PTPRD: variants seen among roughly 807,000 people sequenced by gnomAD.
PTPRD encodes the protein protein tyrosine phosphatase receptor type D.
In PTPRD, 34 loss-of-function variants were observed where a neutral mutation model predicts 214.5. The observed-to-expected ratio is 0.16, with a 90% CI of 0.12 to 0.21. PTPRD has a LOEUF of 0.21. PTPRD is among the 10% of genes least tolerant of loss of function. The probability of loss-of-function intolerance (pLI) is 1.00; values close to 1 mark genes in which losing one functional copy is unlikely to be tolerated. For synonymous variants in PTPRD, 1,128 were observed against 845.7 expected (o/e 1.33, Z -5.79); for missense variants, 2,545 against 2,398.7 (o/e 1.06, Z -1.27).
At chr9:8,747,929 G>C (rs1281483912) in intron 11 of PTPRD, among the ~76,000 whole-genome samples, 1 of 152,110 alleles carries the variant, frequency 6.6e-6, no homozygotes, top group African/African-American at 2.4e-5. Context: ...TAACCTCCTT[G>C]TTAAGTGTGT....
rs559908855 is a variant in PTPRD, at chr9:9,719,778, G to C, written c.-287+14755C>G. On this transcript the variant is annotated intron_variant, in intron 7 of 45. Transcript: ENST00000381196. ...CCCTCTTTGGGGTTCTGCGGTTTCTGGCATCTCTACGCTTTCAGGCGCACT... is the reference window on the plus strand; with the variant it reads ...CCCTCTTTGGGGTTCTGCGGTTTCTCGCATCTCTACGCTTTCAGGCGCACT... Among the ~76,000 whole-genome samples, 13 of 152,258 alleles carry C rather than the reference G, an allele frequency of 8.5e-5. No homozygotes were observed. The East Asian group carries it at 2.5e-3, about 29-fold the overall frequency.
At chr9:8,724,852 C>T (rs1034432058) in intron 12 of PTPRD, among the ~76,000 whole-genome samples, 1 of 151,976 alleles carries the variant, frequency 6.6e-6, no homozygotes, top group Non-Finnish European at 1.5e-5. Context: ...GTGGGAGGAT[C>T]ACCCGAGCCC....
chr9:8,684,228 T>C (rs1056581722), intron 12 of PTPRD, among the ~76,000 whole-genome samples: 2 of 152,218 alleles, frequency 1.3e-5, no homozygotes, highest in South Asian at 2.1e-4. Context: ...CCCAATGTGA[T>C]TGCCAGCAAA....
intron 8 of PTPRD, among the ~76,000 whole-genome samples, chr9:9,514,300 A>G (rs2096781832): frequency 6.6e-6 from 1 of 152,048 alleles, no homozygotes; most frequent in Admixed American, 6.6e-5. Context: ...AATGAGAATC[A>G]TAACTGAGTT....
chr9:10,261,523 G>T (rs556008697), intron 3 of PTPRD, among the ~76,000 whole-genome samples: 1 of 151,954 alleles, frequency 6.6e-6, no homozygotes, highest in Non-Finnish European at 1.5e-5. Context: ...CAAAGTCAAA[G>T]AATGTTGTGT....
At chr9:9,795,876 C>A (rs1210769487) in intron 5 of PTPRD, among the ~76,000 whole-genome samples, 1 of 151,876 alleles carries the variant, frequency 6.6e-6, no homozygotes, top group Non-Finnish European at 1.5e-5. Flanking sequence ...ACAAAATGAT[C>A]CAAATATACT....
chr9:8,438,492 T>C (rs1029322255), intron 34 of PTPRD, among the ~76,000 whole-genome samples: 7 of 152,168 alleles, frequency 4.6e-5, no homozygotes, highest in African/African-American at 1.2e-4. Flanking sequence ...ATGATAGAAC[T>C]GAAATAATTT....
chr9:10,182,959 T>G (rs950486141), intron 3 of PTPRD, among the ~76,000 whole-genome samples: 3 of 152,198 alleles, frequency 2.0e-5, no homozygotes, highest in African/African-American at 7.2e-5. Context: ...TCATTTAATG[T>G]ATTTTTCTAT....
chr9:9,241,567 G>C (rs969418159), intron 9 of PTPRD, among the ~76,000 whole-genome samples: 26 of 152,200 alleles, frequency 1.7e-4, no homozygotes, highest in African/African-American at 6.0e-4. Context: ...TGGTTCACGT[G>C]ACTGCTTTAC....
chr9:10,588,555 T>G (rs555962797), intron 2 of PTPRD, among the ~76,000 whole-genome samples: 62 of 152,038 alleles, frequency 4.1e-4, no homozygotes, highest in African/African-American at 1.5e-3. Context: ...CTATTGATAT[T>G]AGAAGATCAA....
intron 11 of PTPRD, among the ~76,000 whole-genome samples, chr9:8,963,840 C>G (rs1038127243): frequency 1.3e-5 from 2 of 152,064 alleles, no homozygotes; most frequent in African/African-American, 4.8e-5. Context: ...TCTCAAATTC[C>G]TGGGTTCAAG....
chr9:9,269,187 T>A (rs1332661079), intron 9 of PTPRD, among the ~76,000 whole-genome samples: 1 of 151,322 alleles, frequency 6.6e-6, no homozygotes, highest in Non-Finnish European at 1.5e-5. Context: ...TAACCTTATT[T>A]AAAAAATTAT....
intron 14 of PTPRD, among the ~76,000 whole-genome samples, chr9:8,583,186 C>T (rs10114754): frequency 0.52 from 78,443 of 151,998 alleles, 23,629 homozygotes; most frequent in African/African-American, 0.86. Context: ...GAGAATCTAA[C>T]GCCTCCACTG....
intron 10 of PTPRD, among the ~76,000 whole-genome samples, chr9:9,090,314 G>C (rs893410466): frequency 2.0e-5 from 3 of 152,078 alleles, no homozygotes; most frequent in Non-Finnish European, 2.9e-5. Flanking sequence ...CGCAATATTT[G>C]TCTGTCTATG....
intron 5 of PTPRD, among the ~76,000 whole-genome samples, chr9:9,773,762 G>C (rs2098773282): frequency 6.6e-6 from 1 of 152,086 alleles, no homozygotes; most frequent in Non-Finnish European, 1.5e-5. Context: ...CAGGTTGCCT[G>C]GAACATTCCA....
chr9:9,915,177 A>G (rs1461090427), intron 5 of PTPRD, among the ~76,000 whole-genome samples: 3 of 152,172 alleles, frequency 2.0e-5, no homozygotes, highest in Non-Finnish European at 2.9e-5. Context: ...TCTACCTAGA[A>G]TGAAGGCCCA....
At chr9:9,993,606 G>C (rs187462261) in intron 4 of PTPRD, among the ~76,000 whole-genome samples, 88 of 152,090 alleles carry the variant, frequency 5.8e-4, no homozygotes, top group African/African-American at 2.0e-3. Flanking sequence ...AAATTGCTCT[G>C]TGACGCTGGA....
chr9:10,187,524 G>C (rs2099342746), intron 3 of PTPRD, among the ~76,000 whole-genome samples: 1 of 152,134 alleles, frequency 6.6e-6, no homozygotes, highest in Admixed American at 6.6e-5. Flanking sequence ...TGAGAGCTTT[G>C]AACTTGGCCT....
chr9:9,646,801 C>G (rs2096196846), intron 7 of PTPRD, among the ~76,000 whole-genome samples: 1 of 152,154 alleles, frequency 6.6e-6, no homozygotes, highest in Admixed American at 6.5e-5. Context: ...ATAAATTAGG[C>G]ACAGGAAAAG....
Sources: gnomAD v4.1 joint callset for allele counts (sites outside exome capture counted in the v4.1 genomes callset) on GRCh38, gnomAD v4.1.1 for gene constraint, MANE v1.5 for transcripts, NCBI Gene and HGNC (gene_info 2026-07-23, HGNC 2026-07-21) for gene names.